COL23A1: variants seen among roughly 807,000 people sequenced by gnomAD.
COL23A1 encodes the protein collagen alpha-1(XXIII) chain.
In COL23A1, 97 loss-of-function variants were observed where a neutral mutation model predicts 99.3. The ratio of observed to expected loss-of-function variants is 0.98; its 90% CI spans 0.83 to 1.16. The LOEUF (loss-of-function observed/expected upper bound fraction) is 1.16, where lower values mean the gene tolerates loss of function less well. Ranked by LOEUF, COL23A1 falls within the 50% of genes most tolerant of loss-of-function variation. The pLI is 0.00. For synonymous variants in COL23A1, 320 were observed against 308.2 expected, an observed-to-expected ratio of 1.04 and a Z score of -0.40; for missense variants, 762 against 757.4, an observed-to-expected ratio of 1.01 and a Z score of -0.07.
rs535856477 is a variant in COL23A1 at position 178,434,278 on chromosome 5, C to T, written c.361+126404G>A. Among the ~76,000 whole-genome samples, 2 of 152,368 alleles carry T rather than the reference C, an allele frequency of 1.3e-5. No homozygotes were observed. The highest frequency in any genetic ancestry group is 3.9e-4 in the East Asian group (2 of 5,190). ...TGGCAGGCTGGGCTTTTCTGCTGGCCTCTGCAGCCTTCTTGGGTACCTCCT... is the reference window on the plus strand; with the variant it reads ...TGGCAGGCTGGGCTTTTCTGCTGGCTTCTGCAGCCTTCTTGGGTACCTCCT... On this transcript the variant is annotated intron_variant, in intron 2 of 28. Transcript: ENST00000390654. This position sits in a 1 kb window ranked among gnomAD's most constrained non-coding sequence, Gnocchi z 4.3.
chr5:178,401,825 T>C (rs1764462962), intron 2 of COL23A1, among the ~76,000 whole-genome samples: 2 of 152,146 alleles, frequency 1.3e-5, no homozygotes, highest in African/African-American at 4.8e-5. Context: ...TTTGTCTTTT[T>C]TTCTTTTGAG....
chr5:178,582,492 G>A (rs1012378880), intron 1 of COL23A1, among the ~76,000 whole-genome samples: 1 of 152,144 alleles, frequency 6.6e-6, no homozygotes, highest in Non-Finnish European at 1.5e-5. Context: ...GGCAGAGAGG[G>A]CTCCTCTGAA....
chr5:178,411,256 A>G lies in COL23A1; in HGVS notation c.362-104337T>C, dbSNP rs563908681. 2.6e-5 allele frequency among the ~76,000 whole-genome samples: 4 copies of G among 152,356 alleles called. No homozygotes were observed. In the South Asian group the frequency reaches 8.3e-4, roughly 32 times the overall value. On this transcript the variant is annotated intron_variant, in intron 2 of 28. Transcript: ENST00000390654. ...ATGTTTGGTGGTTCCTCAAAATCTT[A>G]AACAGATAATTACCATATGACCCAG...
intron 2 of COL23A1, among the ~76,000 whole-genome samples, chr5:178,461,505 G>A (rs1341170816): frequency 6.6e-6 from 1 of 152,242 alleles, no homozygotes; most frequent in Non-Finnish European, 1.5e-5. Context: ...AGCAGGCAAT[G>A]CCCTCTGAAA....
intron 12 of COL23A1, 96 bp downstream of exon 12, chr5:178,259,625 G>GTCCCCA (rs1187383259): frequency 3.0e-6 from 2 of 657,832 alleles, no homozygotes; most frequent in East Asian, 4.0e-5. Flanking sequence ...AGCCCATCCC[G>GTCCCCA]TCCCCATCCC....
intron 2 of COL23A1, among the ~76,000 whole-genome samples, chr5:178,472,649 G>T (rs693807): frequency 0.082 from 12,532 of 152,100 alleles, 1,641 homozygotes; most frequent in African/African-American, 0.27. Flanking sequence ...GTAAGTGTTA[G>T]TATTCCCATT....
At chr5:178,292,037 C>T (rs563052535) in intron 3 of COL23A1, among the ~76,000 whole-genome samples, 22 of 152,272 alleles carry the variant, frequency 1.4e-4, no homozygotes, top group African/African-American at 5.3e-4. Context: ...GGTTCGCCAT[C>T]GCCTTTCCAA....
chr5:178,422,083 C>G (rs537393901), intron 2 of COL23A1, among the ~76,000 whole-genome samples: 1 of 152,336 alleles, frequency 6.6e-6, no homozygotes, highest in Non-Finnish European at 1.5e-5. Context: ...GGGCCCTTCA[C>G]TTTCCCCAGT....
At chr5:178,557,142 G>C (rs1004028108) in intron 2 of COL23A1, among the ~76,000 whole-genome samples, 3 of 152,104 alleles carry the variant, frequency 2.0e-5, no homozygotes, top group Non-Finnish European at 4.4e-5. Flanking sequence ...AGGCATTTTG[G>C]TGTTTCTTGG....
intron 2 of COL23A1, among the ~76,000 whole-genome samples, chr5:178,540,209 T>C (rs1300397949): frequency 1.3e-5 from 2 of 152,054 alleles, no homozygotes; most frequent in African/African-American, 4.8e-5. Context: ...GGCATAAGAA[T>C]TGGAAAGGAA....
At chr5:178,531,165 C>T (rs1760626982) in intron 2 of COL23A1, among the ~76,000 whole-genome samples, 1 of 152,186 alleles carries the variant, frequency 6.6e-6, no homozygotes. Flanking sequence ...CCGTGCCTGG[C>T]TGAAATAAGC....
chr5:178,368,023 T>C (rs555061602), intron 2 of COL23A1, among the ~76,000 whole-genome samples: 2 of 152,138 alleles, frequency 1.3e-5, no homozygotes, highest in East Asian at 1.9e-4. Context: ...CAGTGGCGCA[T>C]GGAGGGGCAG....
In COL23A1 at chr5:178,345,061, T is replaced by C. The variant is rs574121994; in HGVS notation, c.362-38142A>G. 299 of 586,126 alleles carry C rather than the reference T, an allele frequency of 5.1e-4. 2 individuals are homozygous for C. In the Admixed American group the frequency reaches 5.4e-3, roughly 11 times the overall value. The allele number at this position is 586,126 out of a possible 1,614,324, so 36.3% of individuals were successfully genotyped here. A position where few individuals can be genotyped will look rare whatever the true frequency, so the allele number is the denominator to read the frequency against. ...ATCTCCAGAGTCATTTGGAATCTTA[T>C]GTTAAAGAAGCTTTTGGTTCATCTC... On this transcript the variant is annotated intron_variant, in intron 2 of 28. Transcript: ENST00000390654.
intron 2 of COL23A1, among the ~76,000 whole-genome samples, chr5:178,522,224 C>T (rs6872951): frequency 0.19 from 28,353 of 152,114 alleles, 3,226 homozygotes; most frequent in East Asian, 0.6. Flanking sequence ...AATTTGGAAA[C>T]GACCTGGATG....
chr5:178,428,820 C>T lies in COL23A1; in HGVS notation c.362-121901G>A, dbSNP rs1283601716. ...CTCATCTGCCCAGATGGGGGCTGTG[C>T]AAGCAGGGTCTGCAAGCAACTCTGC... is the stretch of plus-strand genomic sequence containing the variant. On this transcript the variant is annotated intron_variant, in intron 2 of 28. Transcript: ENST00000390654. This position sits in a 1 kb window ranked among gnomAD's most constrained non-coding sequence, Gnocchi z 5.0. 1.3e-5 allele frequency among the ~76,000 whole-genome samples: 2 copies of T among 152,194 alleles called. No homozygotes were observed. Among genetic ancestry groups the T allele is most frequent in the African/African-American group, 2.4e-5 (1 of 41,448 alleles).
chr5:178,493,721 C>G (rs1211807038), intron 2 of COL23A1, among the ~76,000 whole-genome samples: 1 of 152,270 alleles, frequency 6.6e-6, no homozygotes, highest in East Asian at 1.9e-4. Flanking sequence ...GACCTGACAT[C>G]TGGAAATACA....
rs573305318 is a variant in COL23A1, at chr5:178,310,716, T to C, written c.362-3797A>G. Among the ~76,000 whole-genome samples the C allele has an allele frequency of 3.8e-3, 584 of 152,136 alleles. 4 individuals are homozygous for C. Among genetic ancestry groups the C allele is most frequent in the South Asian group, 0.012 (60 of 4,822 alleles). On this transcript the variant is annotated intron_variant, in intron 2 of 28. Transcript: ENST00000390654. The surrounding 1 kb of genome is among the most constrained non-coding windows in gnomAD (Gnocchi z 4.3). The stretch of plus-strand genomic sequence containing the variant: ...GGCTGTGCCCCAGGGCATCTGGGCC[T>C]GGTGTGGAGCAGGTTGCCCCGGCCC...
intron 5 of COL23A1, 55 bp from the exon 6 acceptor site, chr5:178,270,418 A>G: frequency 6.3e-7 from 1 of 1,597,698 alleles, no homozygotes; most frequent in East Asian, 2.2e-5. Flanking sequence ...CACTTCCTCC[A>G]TGTCTTATGA....
intron 2 of COL23A1, among the ~76,000 whole-genome samples, chr5:178,559,079 C>A (rs971747094): frequency 6.6e-6 from 1 of 152,216 alleles, no homozygotes. Flanking sequence ...CGTGGGCCAC[C>A]GCGCCCGGCC....
Sources: gnomAD v4.1 joint callset for allele counts (sites outside exome capture counted in the v4.1 genomes callset) on GRCh38, gnomAD v4.1.1 for gene constraint, Gnocchi (gnomAD v3.1) non-coding constraint, MANE v1.5 for transcripts, NCBI Gene and HGNC (gene_info 2026-07-23, HGNC 2026-07-21) for gene names.